The following ATG7 variants were observed in gnomAD, a reference collection of about 807,000 sequenced individuals.
ATG7 encodes the protein ubiquitin-like modifier-activating enzyme ATG7.
A neutral mutation model predicts 82.4 loss-of-function variants in ATG7; 70 were observed. That is an observed-to-expected ratio of 0.85 (90% CI 0.70 to 1.04). ATG7 has a LOEUF of 1.04. Among genes scored for constraint, ATG7 ranks in the 50% least tolerant of loss-of-function variants. The probability of loss-of-function intolerance (pLI) is 0.00; values close to 1 mark genes in which losing one functional copy is unlikely to be tolerated. For missense variants in ATG7, 792 were observed against 864.3 expected, an observed-to-expected ratio of 0.92 and a Z score of 1.05; for synonymous variants, 287 against 313.0, an observed-to-expected ratio of 0.92 and a Z score of 0.88.
chr3:11,348,935 T>C (rs536079494), intron 14 of ATG7, among the ~76,000 whole-genome samples: 4 of 152,280 alleles, frequency 2.6e-5, no homozygotes, highest in African/African-American at 7.2e-5. Context: ...TACAGAGTGC[T>C]GATTGGTGCG....
chr3:11,446,289 G>A (rs561950031), intron 20 of ATG7, among the ~76,000 whole-genome samples: 1 of 151,894 alleles, frequency 6.6e-6, no homozygotes, highest in South Asian at 2.1e-4. Context: ...TCAACATTCT[G>A]TGATAACGAT....
chr3:11,425,123 T>C lies in ATG7; in HGVS notation c.1957-1681T>C, dbSNP rs145388950. On this transcript the variant is annotated intron_variant, in intron 19 of 20. Transcript: ENST00000693202. ...AATTACAGGTGCACTCCACCATGCC[T>C]GGCTAATTTTTAAGTTTTTTTGTGG... Among the ~76,000 whole-genome samples, 601 of 152,226 alleles carry C rather than the reference T, an allele frequency of 3.9e-3. 5 individuals are homozygous for C. The highest frequency in any genetic ancestry group is 0.013 in the African/African-American group (559 of 41,522).
intron 20 of ATG7, among the ~76,000 whole-genome samples, chr3:11,522,279 C>T (rs757453076): frequency 3.2e-4 from 49 of 152,150 alleles, no homozygotes; most frequent in Non-Finnish European, 3.4e-4. Flanking sequence ...GCTGGCAGAT[C>T]ATGTTGATGG....
intron 11 of ATG7, among the ~76,000 whole-genome samples, chr3:11,338,573 C>T (rs764666004): frequency 2.0e-5 from 3 of 152,014 alleles, no homozygotes; most frequent in Admixed American, 1.3e-4. Context: ...CTAGCTGCTC[C>T]GAAGGCTGAA....
chr3:11,499,662 G>A (rs544452770), intron 20 of ATG7, among the ~76,000 whole-genome samples: 296 of 151,038 alleles, frequency 2.0e-3, no homozygotes, highest in African/African-American at 6.8e-3. Flanking sequence ...CAGGAGAATC[G>A]CTTGAACCGG....
chr3:11,550,929 A>G (rs1033667393), intron 20 of ATG7, among the ~76,000 whole-genome samples: 3 of 150,480 alleles, frequency 2.0e-5, no homozygotes, highest in Non-Finnish European at 3.0e-5. Flanking sequence ...TTATGGTTTC[A>G]TTTTCTCTAA....
At chr3:11,334,904 C>T (rs1456013408) in intron 11 of ATG7, among the ~76,000 whole-genome samples, 3 of 145,174 alleles carry the variant, frequency 2.1e-5, no homozygotes, top group South Asian at 2.2e-4. Context: ...TGTAGTGAGC[C>T]GACTGCACTG....
chr3:11,543,681 C>T (rs1475116877), intron 20 of ATG7, among the ~76,000 whole-genome samples: 1 of 152,194 alleles, frequency 6.6e-6, no homozygotes, highest in Admixed American at 6.5e-5. Flanking sequence ...GGGCGGATCA[C>T]CTGAGGTCAG....
Position 11,348,047 on chromosome 3 carries a change from C to CTTTTGCAGAGGTTTTCTGTTA in ATG7, c.1284+14_1284+34dup. 1 of 1,608,430 alleles carries CTTTTGCAGAGGTTTTCTGTTA rather than the reference C, an allele frequency of 6.2e-7. No individual in the cohort carries two copies. The highest frequency in any genetic ancestry group is 2.2e-5 in the East Asian group (1 of 44,730). On this transcript the variant is annotated intron_variant, in intron 14 of 20. Coordinates refer to ENST00000693202, the MANE Select transcript of ATG7 (RefSeq NM_001349232.2). Reference sequence around the variant, plus strand: ...TATTCCCCGGTGTGGTATGTTGTTGCTTTTGCAGAGGTTTTCTGTTATATG... The same window carrying CTTTTGCAGAGGTTTTCTGTTA: ...TATTCCCCGGTGTGGTATGTTGTTGCTTTTGCAGAGGTTTTCTGTTATTTTGCAGAGGTTTTCTGTTATATG...
chr3:11,569,932 A>G, the ATG7 span, among the ~76,000 whole-genome samples: 1 of 152,190 alleles, frequency 6.6e-6, no homozygotes, highest in Non-Finnish European at 1.5e-5. Context: ...CTTCCTCAGA[A>G]AACAGACTTA....
chr3:11,519,552 T>TG (rs2092382628), intron 20 of ATG7, among the ~76,000 whole-genome samples: 2 of 90,362 alleles, frequency 2.2e-5, no homozygotes, highest in Non-Finnish European at 4.1e-5. Flanking sequence ...TTTTTTTTTT[T>TG]TTTTTTTTTT....
intron 20 of ATG7, among the ~76,000 whole-genome samples, chr3:11,513,929 T>G (rs2092175097): frequency 6.6e-6 from 1 of 152,238 alleles, no homozygotes; most frequent in African/African-American, 2.4e-5. Flanking sequence ...CATCTTGCTG[T>G]GTCACCACTA....
chr3:11,422,837 G>A (rs1473041101), intron 19 of ATG7, among the ~76,000 whole-genome samples: 4 of 132,316 alleles, frequency 3.0e-5, no homozygotes, highest in East Asian at 2.4e-4. Context: ...TCACTGCAAC[G>A]TCCGCCTCCT....
chr3:11,286,583 C>CTTTTTTTTTTTTTTTTTT (rs5846700), intron 3 of ATG7, among the ~76,000 whole-genome samples: 3 of 66,956 alleles, frequency 4.5e-5, no homozygotes, highest in African/African-American at 6.8e-5. Flanking sequence ...TTCTTTCTTT[C>CTTTTTTTTTTTTTTTTTT]TTTTTTTTTT....
At chr3:11,306,882 CT>C in intron 5 of ATG7, 60 bp from the exon 6 acceptor site, 1 of 1,348,064 alleles carries the variant, frequency 7.4e-7, no homozygotes, top group Non-Finnish European at 1.1e-6. Context: ...TGGTGGTTGA[CT>C]TGTCTCTCCC....
At position 11,315,477 on chromosome 3, in the gene ATG7, A is replaced by G; in HGVS notation, c.662A>G (p.Gln221Arg). Residue 221 changes from glutamine to arginine, a missense_variant, in exon 9 of 21, where the codon CAA becomes CGA. Transcript: ENST00000693202. The stretch of plus-strand genomic sequence containing the variant: ...CTTAAACACTACAGTGATTTCTTCC[A>G]AGGTCAAAGGACGAAGGTCAGATAA... ...SLLKHYSDFF[Q>R]GQRTKITIGV... 6.3e-7 allele frequency: 1 copy of G among 1,599,870 alleles called. No individual in the cohort carries two copies. Among genetic ancestry groups the G allele is most frequent in the Non-Finnish European group, 8.5e-7 (1 of 1,175,110 alleles).
At chr3:11,364,211 A>G (rs2076453497) in intron 17 of ATG7, among the ~76,000 whole-genome samples, 1 of 152,226 alleles carries the variant, frequency 6.6e-6, no homozygotes, top group African/African-American at 2.4e-5. Flanking sequence ...TATCAGCTCA[A>G]GAAGTTAAGG....
intron 18 of ATG7, among the ~76,000 whole-genome samples, chr3:11,372,834 G>GCA (rs2077112643): frequency 1.6e-4 from 3 of 19,230 alleles, no homozygotes; most frequent in East Asian, 4.4e-3. Flanking sequence ...GTGCGTGTGT[G>GCA]TGCGTGCGTG....
intron 19 of ATG7, among the ~76,000 whole-genome samples, chr3:11,380,579 C>T (rs1260642779): frequency 3.9e-5 from 6 of 152,174 alleles, no homozygotes; most frequent in Admixed American, 6.5e-5. Flanking sequence ...TAATGTGAAA[C>T]GGCTGATATA....
Sources: gnomAD v4.1 joint callset for allele counts (sites outside exome capture counted in the v4.1 genomes callset) on GRCh38, gnomAD v4.1.1 for gene constraint, MANE v1.5 for transcripts, NCBI Gene and HGNC (gene_info 2026-07-23, HGNC 2026-07-21) for gene names.